TRIP12: variants seen among roughly 807,000 people sequenced by gnomAD.
TRIP12 encodes E3 ubiquitin-protein ligase TRIP12.
Under a neutral mutation model 244.2 loss-of-function variants are expected in TRIP12, and 25 were observed. That is an observed-to-expected ratio of 0.10 (90% CI 0.07 to 0.14). The LOEUF (loss-of-function observed/expected upper bound fraction) is 0.14. TRIP12 is among the 10% of genes least tolerant of loss of function. TRIP12 has a pLI of 1.00. For synonymous variants in TRIP12, 905 were observed against 873.1 expected (o/e 1.04, Z -0.64); for missense variants, 1,677 against 2,486.4 (o/e 0.67, Z 6.92).
At chr2:229,810,697 G>A (rs1487889965) in intron 15 of TRIP12, among the ~76,000 whole-genome samples, 183 bp downstream of exon 15, 1 of 152,126 alleles carries the variant, frequency 6.6e-6, no homozygotes. Flanking sequence ...ACTTTAAAAG[G>A]AGTATGTTAG....
intron 24 of TRIP12, among the ~76,000 whole-genome samples, chr2:229,797,424 C>T (rs1273261961): frequency 1.3e-5 from 2 of 152,050 alleles, no homozygotes; most frequent in African/African-American, 2.4e-5. Flanking sequence ...GAGGACATTT[C>T]TGAAGTTTCT....
chr2:229,847,018 C>T (rs1439843597), intron 4 of TRIP12, among the ~76,000 whole-genome samples: 1 of 152,176 alleles, frequency 6.6e-6, no homozygotes, highest in African/African-American at 2.4e-5. Flanking sequence ...AGGATTTGAA[C>T]ATGTTGGCAC....
intron 4 of TRIP12, among the ~76,000 whole-genome samples, chr2:229,842,491 T>C (rs914654533): frequency 3.9e-5 from 6 of 152,204 alleles, no homozygotes; most frequent in Admixed American, 2.6e-4. Context: ...CTTGCTTTTC[T>C]ATTGGATTTG....
chr2:229,879,703 G>A (rs559867639), intron 2 of TRIP12, among the ~76,000 whole-genome samples: 2 of 152,306 alleles, frequency 1.3e-5, no homozygotes, highest in South Asian at 4.1e-4. Flanking sequence ...TACATTTAAC[G>A]AAGTGAAGAG....
chr2:229,913,448 A>G (rs933669499), intron 1 of TRIP12, among the ~76,000 whole-genome samples: 1 of 152,264 alleles, frequency 6.6e-6, no homozygotes, highest in Admixed American at 6.5e-5. Flanking sequence ...TGTGGCACAC[A>G]GTAAGCACTT....
At chr2:229,904,844 G>GT (rs1461255877) in intron 1 of TRIP12, among the ~76,000 whole-genome samples, 12 of 152,292 alleles carry the variant, frequency 7.9e-5, no homozygotes, top group African/African-American at 2.9e-4. Context: ...TAGTAATAAT[G>GT]TATCAATACT....
At chr2:229,787,036 C>T (rs2040266075) in intron 33 of TRIP12, among the ~76,000 whole-genome samples, 1 of 152,170 alleles carries the variant, frequency 6.6e-6, no homozygotes, top group South Asian at 2.1e-4. Flanking sequence ...GTTAGCAATA[C>T]TGGAGCTAAC....
intron 23 of TRIP12, 124 bp from the exon 24 acceptor site, chr2:229,797,955 C>T (rs2043222440): frequency 1.0e-6 from 1 of 977,478 alleles, no homozygotes; most frequent in African/African-American, 1.6e-5. Flanking sequence ...TTTAAAAACT[C>T]CAGATTCCAT....
intron 41 of TRIP12, among the ~76,000 whole-genome samples, chr2:229,768,254 T>A (rs2032657978): frequency 6.6e-6 from 1 of 152,080 alleles, no homozygotes. Context: ...AAGAGTGAGA[T>A]CCTGTCTCAA....
chr2:229,908,932 T>TA (rs1046977443), intron 1 of TRIP12, among the ~76,000 whole-genome samples: 2 of 148,754 alleles, frequency 1.3e-5, no homozygotes, highest in African/African-American at 5.0e-5. Flanking sequence ...CTACAAAAAA[T>TA]AAAAAAAATT....
chr2:229,808,233 T>C lies in TRIP12; in HGVS notation c.2339+19A>G, dbSNP rs1485867712. ...CACCCGCCTTGGCCTCCCAAAGTGATATTTAGCCCAATCTTTACCAAATCA... is the reference window on the plus strand; with the variant it reads ...CACCCGCCTTGGCCTCCCAAAGTGACATTTAGCCCAATCTTTACCAAATCA... On this transcript the variant is annotated intron_variant, in intron 16 of 41. Coordinates refer to ENST00000675903, the MANE Select transcript of TRIP12 (RefSeq NM_001348323.3). The C allele has an allele frequency of 6.3e-7, 1 of 1,578,182 alleles. No individual in the cohort carries two copies. Among genetic ancestry groups the C allele is most frequent in the South Asian group, 1.1e-5 (1 of 90,262 alleles).
chr2:229,883,568 T>C (rs945892729), intron 1 of TRIP12, among the ~76,000 whole-genome samples: 5 of 152,208 alleles, frequency 3.3e-5, no homozygotes, highest in Admixed American at 3.3e-4. Context: ...TGAAATACAC[T>C]AGTCTTTTCT....
intron 2 of TRIP12, among the ~76,000 whole-genome samples, chr2:229,862,659 T>C (rs539506815): frequency 6.6e-6 from 1 of 152,292 alleles, no homozygotes; most frequent in South Asian, 2.1e-4. Context: ...AAAATTATGA[T>C]TCATTCCATT....
At chr2:229,877,310 C>A (rs966601067) in intron 2 of TRIP12, among the ~76,000 whole-genome samples, 2 of 151,886 alleles carry the variant, frequency 1.3e-5, no homozygotes, top group Admixed American at 6.6e-5. Flanking sequence ...GAGGCCAAGG[C>A]GGTTGGATCA....
intron 34 of TRIP12, among the ~76,000 whole-genome samples, chr2:229,782,630 T>C (rs2038620873): frequency 6.6e-6 from 1 of 152,208 alleles, no homozygotes; most frequent in African/African-American, 2.4e-5. Context: ...TAATTTTACC[T>C]TTGGTGACTG....
intron 1 of TRIP12, among the ~76,000 whole-genome samples, chr2:229,919,886 A>C (rs1032779863): frequency 1.3e-5 from 2 of 152,256 alleles, no homozygotes; most frequent in African/African-American, 2.4e-5. Flanking sequence ...ACAGCAGTTC[A>C]ACATTTCTGG....
At chr2:229,840,691 A>C in intron 5 of TRIP12, 131 bp downstream of exon 5, 1 of 689,612 alleles carries the variant, frequency 1.5e-6, no homozygotes, top group Admixed American at 3.4e-5. Flanking sequence ...GACAAGAGCA[A>C]GACTCCGTCA....
chr2:229,921,332 A>T (rs2076511888), intron 1 of TRIP12: 2 of 152,516 alleles, frequency 1.3e-5, no homozygotes, highest in Non-Finnish European at 2.9e-5. Flanking sequence ...AACTGTTGTC[A>T]CTGGAGCTGC....
chr2:229,802,823 T>C (rs3796072), intron 20 of TRIP12, among the ~76,000 whole-genome samples: 38,861 of 151,974 alleles, frequency 0.26, 6,090 homozygotes, highest in Middle Eastern at 0.42. Context: ...CCAGAAGGGA[T>C]GGAAAAGACC....
Sources: allele counts gnomAD v4.1 joint callset (sites outside exome capture counted in the v4.1 genomes callset), GRCh38; gene constraint gnomAD v4.1.1; transcripts MANE v1.5; gene names NCBI Gene and HGNC (gene_info 2026-07-23, HGNC 2026-07-21).